The following NCOA1 variants were observed in gnomAD, a reference collection of about 807,000 sequenced individuals.
The protein encoded by NCOA1 is Hin-2 protein.
NCOA1 carries 35 observed loss-of-function variants against 150.9 expected under a neutral mutation model. That is an observed-to-expected ratio of 0.23 (90% CI 0.18 to 0.31). NCOA1 has a LOEUF of 0.31. NCOA1 is among the 10% of genes least tolerant of loss of function. The probability of loss-of-function intolerance (pLI) is 1.00; values close to 1 mark genes in which losing one functional copy is unlikely to be tolerated. For synonymous variants in NCOA1, 590 were observed against 630.0 expected, an observed-to-expected ratio of 0.94 and a Z score of 0.95; for missense variants, 1,491 against 1,749.3, an observed-to-expected ratio of 0.85 and a Z score of 2.63.
chr2:24,722,932 A>C (rs1360326749), intron 14 of NCOA1, among the ~76,000 whole-genome samples: 1 of 138,910 alleles, frequency 7.2e-6, no homozygotes, highest in East Asian at 2.2e-4. Flanking sequence ...TGGAGGTTGC[A>C]GTGAGCCGAG....
At chr2:24,651,695 AATTT>A (rs764013452) in intron 4 of NCOA1, among the ~76,000 whole-genome samples, 11 of 152,110 alleles carry the variant, frequency 7.2e-5, no homozygotes, top group Non-Finnish European at 1.5e-4. Flanking sequence ...TACACAGTAA[AATTT>A]AGTTTTTAAA....
intron 12 of NCOA1, among the ~76,000 whole-genome samples, chr2:24,706,211 A>T (rs1673416975): frequency 6.6e-6 from 1 of 152,110 alleles, no homozygotes; most frequent in Non-Finnish European, 1.5e-5. Flanking sequence ...TTATAATGTT[A>T]ATTGTGTATA....
At chr2:24,538,649 T>C (rs1665264762) in intron 1 of NCOA1, among the ~76,000 whole-genome samples, 2 of 152,216 alleles carry the variant, frequency 1.3e-5, no homozygotes, top group Admixed American at 1.3e-4. Flanking sequence ...TTTATTCTAT[T>C]TTTTCTTGAA....
chr2:24,626,952 C>CT (rs1230143092), intron 3 of NCOA1, among the ~76,000 whole-genome samples: 1 of 152,044 alleles, frequency 6.6e-6, no homozygotes, highest in Admixed American at 6.6e-5. Flanking sequence ...GGTACAATGC[C>CT]TATCACATAT....
At chr2:24,558,411 C>G (rs1462875195) in intron 1 of NCOA1, among the ~76,000 whole-genome samples, 1 of 152,120 alleles carries the variant, frequency 6.6e-6, no homozygotes, top group Non-Finnish European at 1.5e-5. Context: ...GCCCCAGAAT[C>G]ATGGCGGGAG....
intron 1 of NCOA1, among the ~76,000 whole-genome samples, chr2:24,542,492 C>CT (rs958319576): frequency 1.1e-4 from 17 of 152,022 alleles, no homozygotes; most frequent in African/African-American, 2.2e-4. Context: ...AAATTATACA[C>CT]TTTTTTTTGG....
At chr2:24,762,870 T>C (rs1202695803) in intron 22 of NCOA1, 94 bp downstream of exon 22, 10 of 1,133,688 alleles carry the variant, frequency 8.8e-6, no homozygotes, top group Non-Finnish European at 1.2e-5. Context: ...ACCTTGGGAG[T>C]CAGACCTGGG....
At chr2:24,681,185 A>G (rs1229515627) in intron 7 of NCOA1, among the ~76,000 whole-genome samples, 1 of 152,072 alleles carries the variant, frequency 6.6e-6, no homozygotes, top group Non-Finnish European at 1.5e-5. Context: ...CCAACATGGT[A>G]AAACCCCATC....
intron 11 of NCOA1, among the ~76,000 whole-genome samples, chr2:24,703,054 G>A (rs1206281105): frequency 1.3e-5 from 2 of 152,152 alleles, no homozygotes; most frequent in African/African-American, 2.4e-5. Flanking sequence ...TCCCTCTGAT[G>A]TTTATTGAGG....
intron 3 of NCOA1, among the ~76,000 whole-genome samples, chr2:24,621,193 T>C (rs1243464445): frequency 2.6e-5 from 4 of 152,116 alleles, no homozygotes; most frequent in Non-Finnish European, 5.9e-5. Flanking sequence ...TTTCCTGGAA[T>C]ATGGCATGTG....
At chr2:24,654,746 C>T (rs1478444701) in intron 4 of NCOA1, among the ~76,000 whole-genome samples, 7 of 152,138 alleles carry the variant, frequency 4.6e-5, no homozygotes, top group Non-Finnish European at 1.0e-4. Flanking sequence ...GAACTCGTCA[C>T]TTACTCCCCC....
At chr2:24,570,829 G>A (rs1290590096) in intron 2 of NCOA1, among the ~76,000 whole-genome samples, 1 of 152,208 alleles carries the variant, frequency 6.6e-6, no homozygotes, top group African/African-American at 2.4e-5. Context: ...GGAACTCTTA[G>A]AGACATATGT....
At chr2:24,634,554 A>G (rs1354365663) in intron 3 of NCOA1, among the ~76,000 whole-genome samples, 1 of 152,204 alleles carries the variant, frequency 6.6e-6, no homozygotes, top group African/African-American at 2.4e-5. Context: ...ATCCAGCATC[A>G]GAAGTAGATA....
intron 11 of NCOA1, among the ~76,000 whole-genome samples, chr2:24,701,004 A>C (rs1043847198): frequency 5.3e-5 from 8 of 152,198 alleles, no homozygotes; most frequent in South Asian, 4.1e-4. Flanking sequence ...CAATAAAAAT[A>C]CCTTTTAAAT....
chr2:24,573,712 A>G (rs1006059561), intron 2 of NCOA1, among the ~76,000 whole-genome samples: 1 of 152,152 alleles, frequency 6.6e-6, no homozygotes, highest in Non-Finnish European at 1.5e-5. Context: ...CTGAAACTAC[A>G]TATGTCCATT....
At chr2:24,762,142 C>T (rs1664821890) in intron 21 of NCOA1, among the ~76,000 whole-genome samples, 1 of 152,270 alleles carries the variant, frequency 6.6e-6, no homozygotes, top group Admixed American at 6.5e-5. Context: ...GAAATACACT[C>T]CAGGCAGTAG....
At chr2:24,567,883 A>G (rs1572428648) in intron 2 of NCOA1, among the ~76,000 whole-genome samples, 1 of 151,948 alleles carries the variant, frequency 6.6e-6, no homozygotes, top group African/African-American at 2.4e-5. Context: ...AGCTGGGATT[A>G]CAGGTGTGCA....
intron 18 of NCOA1, among the ~76,000 whole-genome samples, chr2:24,739,915 A>T (rs946216336): frequency 3.3e-5 from 5 of 152,064 alleles, no homozygotes; most frequent in Non-Finnish European, 5.9e-5. Context: ...TATCTTGTGT[A>T]CTATGTTCAA....
At position 24,762,785 on chromosome 2, in the gene NCOA1, G is replaced by C; in HGVS notation, c.4155+9G>C. On this transcript the variant is annotated intron_variant, in intron 22 of 22. Transcript: ENST00000348332. Reference sequence around the variant, plus strand: ...AAGCAGATGGAACCCAGGTCAGTAAGGAAATTCTAAGCCCAGAGCTGTCAA... The same window carrying C: ...AAGCAGATGGAACCCAGGTCAGTAACGAAATTCTAAGCCCAGAGCTGTCAA... 6.2e-7 allele frequency: 1 copy of C among 1,610,324 alleles called. No homozygotes were observed. The highest frequency in any genetic ancestry group is 2.2e-5 in the East Asian group (1 of 44,840).
Sources: gnomAD v4.1 joint callset for allele counts (sites outside exome capture counted in the v4.1 genomes callset) on GRCh38, gnomAD v4.1.1 for gene constraint, MANE v1.5 for transcripts, NCBI Gene and HGNC (gene_info 2026-07-23, HGNC 2026-07-21) for gene names.